The following NAV2 variants were observed in gnomAD, a reference collection of about 807,000 sequenced individuals.
NAV2 encodes the protein neuron navigator 2, also known as helicase, APC down-regulated 1.
A neutral mutation model predicts 223.2 loss-of-function variants in NAV2; 54 were observed. The ratio of observed to expected loss-of-function variants is 0.24; its 90% CI spans 0.19 to 0.30. The LOEUF is 0.30. NAV2 is among the 10% of genes least tolerant of loss of function. The pLI is 1.00. For missense variants in NAV2, 2,806 were observed against 3,147.5 expected (o/e 0.89, Z 2.60); for synonymous variants, 1,279 against 1,239.3 (o/e 1.03, Z -0.67).
intron 7 of NAV2, among the ~76,000 whole-genome samples, chr11:19,934,540 T>C (rs1247593192): frequency 2.0e-5 from 3 of 151,858 alleles, no homozygotes; most frequent in Admixed American, 6.6e-5. Context: ...CATAGGAAAG[T>C]GGGGACCCCA....
At chr11:19,480,086 T>C (rs1458220584) in intron 1 of NAV2, among the ~76,000 whole-genome samples, 1 of 152,138 alleles carries the variant, frequency 6.6e-6, no homozygotes, top group Non-Finnish European at 1.5e-5. Context: ...CTGCCAAGCC[T>C]AAAATATTTA....
intron 1 of NAV2, among the ~76,000 whole-genome samples, chr11:19,749,024 A>T (rs1341769502): frequency 6.6e-6 from 1 of 152,156 alleles, no homozygotes; most frequent in Non-Finnish European, 1.5e-5. Context: ...GTCTTCTTGT[A>T]CCCTTTAAAG....
intron 11 of NAV2, among the ~76,000 whole-genome samples, chr11:20,000,537 ACTTG>A (rs1268749654): frequency 6.6e-6 from 1 of 152,108 alleles, no homozygotes; most frequent in Non-Finnish European, 1.5e-5. Flanking sequence ...AATTAAATGT[ACTTG>A]CTTCTCAGTT....
At chr11:19,811,595 A>T (rs1159580846) in intron 1 of NAV2, among the ~76,000 whole-genome samples, 4 of 152,194 alleles carry the variant, frequency 2.6e-5, no homozygotes, top group African/African-American at 9.7e-5. Flanking sequence ...TTTACAGGAA[A>T]TCTAATTGCC....
intron 10 of NAV2, among the ~76,000 whole-genome samples, chr11:19,965,106 A>C (rs1230740919): frequency 6.6e-6 from 1 of 152,100 alleles, no homozygotes; most frequent in Non-Finnish European, 1.5e-5. Context: ...GGTGTGAGCC[A>C]CTGGACCCAG....
intron 11 of NAV2, among the ~76,000 whole-genome samples, chr11:20,021,912 C>G (rs2054542934): frequency 6.6e-6 from 1 of 152,214 alleles, no homozygotes; most frequent in South Asian, 2.1e-4. Context: ...GCTCTTCATT[C>G]CCCTTTGAAA....
chr11:19,382,964 G>A (rs1199332534), intron 1 of NAV2, among the ~76,000 whole-genome samples: 1 of 152,130 alleles, frequency 6.6e-6, no homozygotes, highest in African/African-American at 2.4e-5. Context: ...TACCTCCAAA[G>A]GCATATAGCT....
intron 6 of NAV2, among the ~76,000 whole-genome samples, chr11:19,905,752 A>C (rs915871202): frequency 1.3e-5 from 2 of 152,190 alleles, no homozygotes; most frequent in African/African-American, 4.8e-5. Context: ...ATTCTTACCT[A>C]GGTCACCTGA....
intron 1 of NAV2, among the ~76,000 whole-genome samples, chr11:19,703,215 C>T (rs1481343462): frequency 6.6e-6 from 1 of 152,152 alleles, no homozygotes; most frequent in Non-Finnish European, 1.5e-5. Context: ...TAGGCCAACA[C>T]ATCCTTTTAT....
At position 19,550,469 on chromosome 11, in the gene NAV2, A is replaced by G. The variant is rs1343636324; in HGVS notation, c.75+199442A>G. ...CAATTTCCATTTCGTAGATGAGGCA[A>G]CTGAGGCCCACAGAGGTCAAGGGGC... On this transcript the variant is annotated intron_variant, in intron 1 of 37. Coordinates refer to the NAV2 transcript ENST00000360655. Among the ~76,000 whole-genome samples, 7 of 152,346 alleles carry G rather than the reference A, an allele frequency of 4.6e-5. No individual in the cohort carries two copies. The Middle Eastern group carries it at 0.014, about 296-fold the overall frequency.
intron 1 of NAV2, among the ~76,000 whole-genome samples, chr11:19,417,986 G>A (rs895406804): frequency 2.6e-5 from 4 of 152,110 alleles, no homozygotes; most frequent in Admixed American, 2.6e-4. Flanking sequence ...GGCGTCTAGG[G>A]GAGGGATAGC....
intron 1 of NAV2, among the ~76,000 whole-genome samples, chr11:19,742,658 G>C (rs930276775): frequency 8.5e-5 from 13 of 152,310 alleles, no homozygotes; most frequent in African/African-American, 3.1e-4. Flanking sequence ...CCAGGGCACA[G>C]CCTGGTATCA....
At chr11:19,527,441 C>T (rs1392698836) in intron 1 of NAV2, among the ~76,000 whole-genome samples, 4 of 151,910 alleles carry the variant, frequency 2.6e-5, no homozygotes. Context: ...ATTGCTCTTT[C>T]TCTCTCTCCA....
rs564974928 is a variant in NAV2, at chr11:19,686,750, G to A, written c.76-145734G>A. Among the ~76,000 whole-genome samples, 10 of 152,290 alleles carry A rather than the reference G, an allele frequency of 6.6e-5. No homozygotes were observed. In the South Asian group the frequency reaches 2.1e-3, roughly 32 times the overall value. ...GCCCGGATTATCACTGTTATATCCT[G>A]GCTCTGACCTTCAATAAGATACTCC... On this transcript the variant is annotated intron_variant, in intron 1 of 37. Transcript: ENST00000360655.
chr11:19,677,375 A>C (rs2048745185), intron 1 of NAV2, among the ~76,000 whole-genome samples: 1 of 152,248 alleles, frequency 6.6e-6, no homozygotes, highest in Non-Finnish European at 1.5e-5. Context: ...TGAGGTGGGC[A>C]AAGGCAGCAC....
chr11:19,691,079 A>G (rs1448773350), intron 1 of NAV2, among the ~76,000 whole-genome samples: 1 of 152,220 alleles, frequency 6.6e-6, no homozygotes, highest in Non-Finnish European at 1.5e-5. Context: ...AGGCTTTGCT[A>G]CAGTAGAGCT....
chr11:19,671,510 C>T (rs1365483099), intron 1 of NAV2, among the ~76,000 whole-genome samples: 14 of 152,174 alleles, frequency 9.2e-5, no homozygotes. Context: ...TCCCCTGTTT[C>T]TCGTGGTTCC....
intron 10 of NAV2, among the ~76,000 whole-genome samples, chr11:19,972,557 T>C (rs2049337981): frequency 6.6e-6 from 1 of 152,198 alleles, no homozygotes; most frequent in African/African-American, 2.4e-5. Flanking sequence ...TAGAAAACCA[T>C]ACACCGAGTT....
chr11:19,861,016 C>G (rs1460463981), intron 3 of NAV2, among the ~76,000 whole-genome samples: 1 of 97,806 alleles, frequency 1.0e-5, no homozygotes, highest in African/African-American at 3.9e-5. Context: ...CAGAGGGAGA[C>G]GGTGGAAAGA....
Sources: allele counts gnomAD v4.1 joint callset (sites outside exome capture counted in the v4.1 genomes callset), GRCh38; gene constraint gnomAD v4.1.1; transcripts MANE v1.5; gene names NCBI Gene and HGNC (gene_info 2026-07-23, HGNC 2026-07-21).